The following DPP6 variants were observed in gnomAD, a reference collection of about 807,000 sequenced individuals.
The protein encoded by DPP6 is A-type potassium channel modulatory protein DPP6.
A neutral mutation model predicts 122.6 loss-of-function variants in DPP6; 69 were observed. That is an observed-to-expected ratio of 0.56 (90% CI 0.46 to 0.69). DPP6 has a LOEUF of 0.69. Among genes scored for constraint, DPP6 ranks in the 30% least tolerant of loss-of-function variants. The pLI is 0.00. For synonymous variants in DPP6, 418 were observed against 433.1 expected, an observed-to-expected ratio of 0.97 and a Z score of 0.43; for missense variants, 928 against 1,116.9, an observed-to-expected ratio of 0.83 and a Z score of 2.41.
the DPP6 span, among the ~76,000 whole-genome samples, chr7:153,827,076 A>G: frequency 1.4e-4 from 22 of 152,180 alleles, no homozygotes; most frequent in African/African-American, 4.8e-4. Context: ...AGAAAAAAAA[A>G]TTAGAAGGCA....
chr7:154,462,920 T>C (rs1381029309), intron 2 of DPP6, among the ~76,000 whole-genome samples: 1 of 148,752 alleles, frequency 6.7e-6, no homozygotes, highest in Non-Finnish European at 1.5e-5. Context: ...CATATAGAAA[T>C]ACTACTGATT....
chr7:154,305,221 C>T, intron 1 of DPP6: 1 of 1,185,206 alleles, frequency 8.4e-7, no homozygotes, highest in East Asian at 3.9e-5. Flanking sequence ...ATCATTGTTT[C>T]TGTGGCGATT....
intron 6 of DPP6, among the ~76,000 whole-genome samples, chr7:154,666,993 T>C (rs1196478431): frequency 6.6e-6 from 1 of 152,200 alleles, no homozygotes; most frequent in Non-Finnish European, 1.5e-5. Context: ...CCCAGCACCA[T>C]GTGTCATACT....
At chr7:154,576,169 C>T (rs953791699) in intron 5 of DPP6, among the ~76,000 whole-genome samples, 7 of 152,120 alleles carry the variant, frequency 4.6e-5, no homozygotes, top group African/African-American at 1.4e-4. Flanking sequence ...GGTCTCTCTA[C>T]TTCCCCGTGC....
At chr7:154,739,578 C>G (rs955620755) in intron 8 of DPP6, among the ~76,000 whole-genome samples, 4 of 152,164 alleles carry the variant, frequency 2.6e-5, no homozygotes, top group Non-Finnish European at 4.4e-5. Context: ...GAAGCGTATT[C>G]CAGGAAAAAG....
At chr7:153,876,475 C>G in the DPP6 span, among the ~76,000 whole-genome samples, 3 of 151,698 alleles carry the variant, frequency 2.0e-5, no homozygotes, top group African/African-American at 7.3e-5. Context: ...TTTTCTCTAA[C>G]TATAGTGAGA....
At chr7:154,727,700 T>C in intron 7 of DPP6, 67 bp from the exon 8 acceptor site, 1 of 1,499,494 alleles carries the variant, frequency 6.7e-7, no homozygotes, top group Non-Finnish European at 8.9e-7. Flanking sequence ...TTTCAGATTT[T>C]TTAAGAACAG....
chr7:153,975,290 C>G (rs1330801684), intron 1 of DPP6, among the ~76,000 whole-genome samples: 2 of 151,716 alleles, frequency 1.3e-5, no homozygotes, highest in Non-Finnish European at 2.9e-5. Flanking sequence ...TGTGAAACCA[C>G]CCCTAGGTGT....
chr7:154,122,422 T>C (rs1807543004), intron 1 of DPP6, among the ~76,000 whole-genome samples: 1 of 152,164 alleles, frequency 6.6e-6, no homozygotes, highest in African/African-American at 2.4e-5. Context: ...GATCTTGAAA[T>C]GACTTATTTT....
At chr7:154,778,952 CTCTACCATCACCTCCGCT>C (rs1796787402) in intron 10 of DPP6, among the ~76,000 whole-genome samples, 2 of 150,222 alleles carry the variant, frequency 1.3e-5, no homozygotes, top group African/African-American at 2.5e-5. Flanking sequence ...CCACCACCAG[CTCTACCATCACCTCCGCT>C]ACCACCATCA....
At chr7:154,001,846 G>C (rs1380027973) in intron 1 of DPP6, among the ~76,000 whole-genome samples, 1 of 152,106 alleles carries the variant, frequency 6.6e-6, no homozygotes, top group Non-Finnish European at 1.5e-5. Context: ...TCCCCTAGTG[G>C]AGTGAAAACA....
intron 8 of DPP6, among the ~76,000 whole-genome samples, chr7:154,759,313 T>C (rs142893393): frequency 0.012 from 1,789 of 152,326 alleles, 28 homozygotes; most frequent in African/African-American, 0.04. Flanking sequence ...AAATGCCTCC[T>C]TCACATCAGC....
the DPP6 span, among the ~76,000 whole-genome samples, chr7:153,824,105 G>A: frequency 1.3e-5 from 2 of 152,112 alleles, no homozygotes; most frequent in Non-Finnish European, 2.9e-5. Flanking sequence ...AATAGGTATT[G>A]GGGTTGGGCG....
intron 7 of DPP6, among the ~76,000 whole-genome samples, chr7:154,683,234 G>A (rs1184492578): frequency 6.6e-6 from 1 of 152,132 alleles, no homozygotes; most frequent in East Asian, 1.9e-4. Flanking sequence ...TGTGCCGTCT[G>A]ACCTCCAGCC....
At chr7:153,974,121 C>T (rs1465669759) in intron 1 of DPP6, among the ~76,000 whole-genome samples, 3 of 152,076 alleles carry the variant, frequency 2.0e-5, no homozygotes, top group Non-Finnish European at 2.9e-5. Context: ...TATGAGAATC[C>T]GTGGGCTTTT....
intron 1 of DPP6, among the ~76,000 whole-genome samples, chr7:154,377,921 G>A (rs1470693444): frequency 2.6e-5 from 4 of 152,196 alleles, no homozygotes; most frequent in African/African-American, 4.8e-5. Context: ...TGGGTGAGCC[G>A]GGGAAGATGT....
chr7:154,638,481 G>A (rs537454130), intron 6 of DPP6, among the ~76,000 whole-genome samples: 1 of 152,254 alleles, frequency 6.6e-6, no homozygotes, highest in African/African-American at 2.4e-5. Context: ...TGTGCTCCCA[G>A]GGCCGGGTTT....
intron 3 of DPP6, among the ~76,000 whole-genome samples, chr7:154,490,250 G>T (rs1253588944): frequency 2.6e-5 from 4 of 152,192 alleles, no homozygotes; most frequent in Non-Finnish European, 4.4e-5. Flanking sequence ...ACTTGAATCT[G>T]CAATGGAAAT....
At chr7:153,952,706 C>T (rs1184150654) in intron 1 of DPP6, among the ~76,000 whole-genome samples, 4 of 152,154 alleles carry the variant, frequency 2.6e-5, no homozygotes, top group Admixed American at 6.5e-5. Flanking sequence ...ACATTCCATT[C>T]TTATCTTATT....
Sources: allele counts gnomAD v4.1 joint callset (sites outside exome capture counted in the v4.1 genomes callset), GRCh38; gene constraint gnomAD v4.1.1; transcripts MANE v1.5; gene names NCBI Gene and HGNC (gene_info 2026-07-23, HGNC 2026-07-21).